The following PCDHGA2 variants were observed in gnomAD, a reference collection of about 807,000 sequenced individuals.
PCDHGA2 encodes protocadherin gamma subfamily A, 2, also known as protocadherin gamma-A2.
In PCDHGA2, 40 loss-of-function variants were observed where a neutral mutation model predicts 59.2. That is an observed-to-expected ratio of 0.68 (90% CI 0.52 to 0.88). PCDHGA2 has a LOEUF of 0.88. PCDHGA2 is among the 40% of genes least tolerant of loss of function. The probability of loss-of-function intolerance (pLI) is 0.00; values close to 1 mark genes in which losing one functional copy is unlikely to be tolerated. For synonymous variants in PCDHGA2, 560 were observed against 526.0 expected (o/e 1.06, Z -0.89); for missense variants, 1,226 against 1,204.0 (o/e 1.02, Z -0.27).
At chr5:141,422,789 T>A (rs776409955) in intron 1 of PCDHGA2, 16 of 1,614,158 alleles carry the variant, frequency 9.9e-6, no homozygotes, top group Non-Finnish European at 1.4e-5. Context: ...CTACAATCCT[T>A]CGACTATGAG....
intron 1 of PCDHGA2, chr5:141,371,955 GA>G: frequency 6.2e-7 from 1 of 1,613,258 alleles, no homozygotes; most frequent in Non-Finnish European, 8.5e-7. Flanking sequence ...GCGAGCCTTC[GA>G]CCACGAGCAG....
At chr5:141,478,884 C>A in intron 1 of PCDHGA2, 1 of 1,194,298 alleles carries the variant, frequency 8.4e-7, no homozygotes, top group Non-Finnish European at 1.1e-6. Flanking sequence ...AGCTTGGTAT[C>A]ATTTACATTA....
intron 1 of PCDHGA2, chr5:141,394,115 T>G: frequency 2.5e-6 from 4 of 1,613,954 alleles, no homozygotes; most frequent in Non-Finnish European, 3.4e-6. Flanking sequence ...CTCTGTCCAC[T>G]GAAACTCAAA....
At chr5:141,376,143 C>T (rs968258270) in intron 1 of PCDHGA2, 3 of 1,613,858 alleles carry the variant, frequency 1.9e-6, no homozygotes, top group East Asian at 2.2e-5. Flanking sequence ...CCCAACGATT[C>T]GGACCTCACT....
Position 141,486,656 on chromosome 5 carries a change from C to A in PCDHGA2, c.2425-8151C>A. 6.2e-7 allele frequency: 1 copy of A among 1,614,020 alleles called. No homozygotes were observed. Among genetic ancestry groups the A allele is most frequent in the Non-Finnish European group, 8.5e-7 (1 of 1,180,038 alleles). On this transcript the variant is annotated intron_variant, in intron 1 of 3. Transcript: ENST00000394576. This position sits in a 1 kb window ranked among gnomAD's most constrained non-coding sequence, Gnocchi z 5.0. ...GAATGCGCTTATCTCCTACTCACTCCTGGAGCCCAGGAATCGAGATGTATC... is the reference window on the plus strand; with the variant it reads ...GAATGCGCTTATCTCCTACTCACTCATGGAGCCCAGGAATCGAGATGTATC...
At chr5:141,384,337 G>C (rs370533196) in intron 1 of PCDHGA2, 2 of 1,613,832 alleles carry the variant, frequency 1.2e-6, no homozygotes, top group Non-Finnish European at 1.7e-6. Flanking sequence ...ACAGGACCAC[G>C]ACAGTGAGGA....
At chr5:141,414,406 C>T (rs1315007586) in intron 1 of PCDHGA2, 6 of 1,613,764 alleles carry the variant, frequency 3.7e-6, no homozygotes, top group African/African-American at 2.7e-5. Flanking sequence ...ATTGGTGATA[C>T]ACAGAGCCCT....
intron 1 of PCDHGA2, chr5:141,427,497 G>C (rs775492626): frequency 1.6e-5 from 9 of 568,020 alleles, no homozygotes; most frequent in African/African-American, 3.7e-5. Flanking sequence ...GCTTGTAACA[G>C]ATGGGACCCT....
intron 1 of PCDHGA2, among the ~76,000 whole-genome samples, chr5:141,437,588 A>G (rs1399641711): frequency 6.6e-6 from 1 of 152,134 alleles, no homozygotes; most frequent in African/African-American, 2.4e-5. Context: ...CATGAATTGG[A>G]TAGTTCTGGT....
At chr5:141,413,124 AAC>A in intron 1 of PCDHGA2, 2 of 1,528,020 alleles carry the variant, frequency 1.3e-6, no homozygotes, top group Non-Finnish European at 1.8e-6. Flanking sequence ...AACCGGTTGA[AAC>A]ACACAACGTG....
chr5:141,389,074 G>C (rs1561622860), intron 1 of PCDHGA2: 11 of 1,614,030 alleles, frequency 6.8e-6, no homozygotes, highest in Non-Finnish European at 9.3e-6. Context: ...ACTTCTTCAA[G>C]AAACACGTAT....
intron 1 of PCDHGA2, among the ~76,000 whole-genome samples, chr5:141,442,726 C>A (rs1160438073): frequency 2.6e-5 from 4 of 152,060 alleles, no homozygotes; most frequent in Non-Finnish European, 5.9e-5. Context: ...GCATTTGGGG[C>A]CTGTAGGTAA....
chr5:141,477,010 C>G lies in PCDHGA2; in HGVS notation c.2425-17797C>G. On this transcript the variant is annotated intron_variant, in intron 1 of 3. Coordinates refer to ENST00000394576, the MANE Select transcript of PCDHGA2 (RefSeq NM_018915.4). This position sits in a 1 kb window ranked among gnomAD's most constrained non-coding sequence, Gnocchi z 4.9. ...GCGTGCGGCAACTATTCGCCTTAGA[C>G]CTTGTAACCGGGATGCTGACAATCA... 4 of 1,614,260 alleles carry G rather than the reference C, an allele frequency of 2.5e-6. No homozygotes were observed. Among genetic ancestry groups the G allele is most frequent in the Non-Finnish European group, 2.5e-6 (3 of 1,180,052 alleles).
chr5:141,496,663 G>A (rs2099770279), intron 2 of PCDHGA2, among the ~76,000 whole-genome samples: 1 of 152,196 alleles, frequency 6.6e-6, no homozygotes, highest in Admixed American at 6.5e-5. Context: ...GACCCCAGCT[G>A]TTGTCCTTCT....
intron 1 of PCDHGA2, chr5:141,471,417 T>A (rs1174855045): frequency 6.6e-6 from 1 of 152,190 alleles, no homozygotes; most frequent in Non-Finnish European, 1.5e-5. Flanking sequence ...GTTATGTTTT[T>A]AGCAAGGAAA....
chr5:141,449,588 CAA>C (rs768743917), intron 1 of PCDHGA2, among the ~76,000 whole-genome samples: 5 of 57,502 alleles, frequency 8.7e-5, no homozygotes, highest in Admixed American at 1.8e-4. Flanking sequence ...GACTCTGTCT[CAA>C]AAAAAAAAAA....
At chr5:141,403,591 G>C in intron 1 of PCDHGA2, 2 of 1,613,836 alleles carry the variant, frequency 1.2e-6, no homozygotes, top group South Asian at 1.1e-5. Flanking sequence ...TGGTCCTCAC[G>C]GCCTCGGATG....
intron 1 of PCDHGA2, among the ~76,000 whole-genome samples, chr5:141,445,746 TA>T (rs1486411811): frequency 2.0e-5 from 3 of 152,028 alleles, no homozygotes; most frequent in Non-Finnish European, 4.4e-5. Flanking sequence ...TTTTAAAAAA[TA>T]AAAGGTGTGA....
chr5:141,449,154 A>G (rs2098630387), intron 1 of PCDHGA2, among the ~76,000 whole-genome samples: 1 of 152,180 alleles, frequency 6.6e-6, no homozygotes, highest in African/African-American at 2.4e-5. Flanking sequence ...TGGGTCAAAG[A>G]GGAAATAGGT....
Sources: allele counts gnomAD v4.1 joint callset (sites outside exome capture counted in the v4.1 genomes callset), GRCh38; gene constraint gnomAD v4.1.1; non-coding constraint Gnocchi (gnomAD v3.1); transcripts MANE v1.5; gene names NCBI Gene and HGNC (gene_info 2026-07-23, HGNC 2026-07-21).